The following SDC2 variants were observed in gnomAD, a reference collection of about 807,000 sequenced individuals.
The protein encoded by SDC2 is syndecan 2, also known as syndecan-2.
Under a neutral mutation model 22.2 loss-of-function variants are expected in SDC2, and 13 were observed. The observed-to-expected ratio is 0.59, with a 90% CI of 0.38 to 0.93. SDC2 has a LOEUF of 0.93. SDC2 is among the 40% of genes least tolerant of loss of function. The probability of loss-of-function intolerance (pLI) is 0.00; values close to 1 mark genes in which losing one functional copy is unlikely to be tolerated. For synonymous variants in SDC2, 94 were observed against 92.8 expected (o/e 1.01, Z -0.07); for missense variants, 235 against 246.8 (o/e 0.95, Z 0.32).
At chr8:96,520,407 T>C (rs1372409311) in intron 1 of SDC2, among the ~76,000 whole-genome samples, 1 of 152,204 alleles carries the variant, frequency 6.6e-6, no homozygotes, top group Non-Finnish European at 1.5e-5. Context: ...TCACTCTTAC[T>C]GTTTCTTGAA....
chr8:96,538,235 C>T (rs964053758), intron 1 of SDC2, among the ~76,000 whole-genome samples: 5 of 152,168 alleles, frequency 3.3e-5, no homozygotes, highest in Admixed American at 2.0e-4. Context: ...TCTGGGATTA[C>T]AGACGTGAGC....
chr8:96,547,889 G>C (rs1033402987), intron 1 of SDC2, among the ~76,000 whole-genome samples: 1 of 151,970 alleles, frequency 6.6e-6, no homozygotes, highest in Non-Finnish European at 1.5e-5. Context: ...AGCCTCCCAA[G>C]TAGCTGGAAC....
intron 2 of SDC2, among the ~76,000 whole-genome samples, chr8:96,594,009 C>A (rs1223669261): frequency 6.6e-6 from 1 of 152,154 alleles, no homozygotes; most frequent in East Asian, 1.9e-4. Context: ...ATAAAACCAC[C>A]TACCCTATGT....
intron 1 of SDC2, among the ~76,000 whole-genome samples, chr8:96,502,504 C>G (rs1813181968): frequency 1.1e-5 from 1 of 93,864 alleles, no homozygotes; most frequent in Non-Finnish European, 2.7e-5. Flanking sequence ...TACTGGGGGT[C>G]TTTTTAAACT....
At position 96,578,521 on chromosome 8, in the gene SDC2, A is replaced by G. The variant is rs1814540132; in HGVS notation, c.61-14959A>G. Among the ~76,000 whole-genome samples the G allele has an allele frequency of 7.9e-5, 12 of 152,234 alleles. No homozygotes were observed. The South Asian group carries it at 2.5e-3, about 31-fold the overall frequency. On this transcript the variant is annotated intron_variant, in intron 1 of 4. Coordinates refer to ENST00000302190, the MANE Select transcript of SDC2 (RefSeq NM_002998.4). Reference sequence around the variant, plus strand: ...CAGAGAGAAGGATGGGATTGAAATTAGTTGACCAGGCTGATTCTGGTTTCT... The same window carrying G: ...CAGAGAGAAGGATGGGATTGAAATTGGTTGACCAGGCTGATTCTGGTTTCT...
intron 1 of SDC2, among the ~76,000 whole-genome samples, chr8:96,531,060 G>A (rs1813653610): frequency 6.6e-6 from 1 of 152,196 alleles, no homozygotes; most frequent in South Asian, 2.1e-4. Flanking sequence ...GGGCTGATGG[G>A]CATCAGAACC....
chr8:96,525,261 G>A (rs1290346337), intron 1 of SDC2, among the ~76,000 whole-genome samples: 3 of 152,158 alleles, frequency 2.0e-5, no homozygotes, highest in Non-Finnish European at 4.4e-5. Flanking sequence ...GGCTGTCCTA[G>A]AGAAGCTTCT....
At chr8:96,590,240 G>A (rs528527055) in intron 1 of SDC2, among the ~76,000 whole-genome samples, 1 of 152,222 alleles carries the variant, frequency 6.6e-6, no homozygotes, top group Non-Finnish European at 1.5e-5. Flanking sequence ...TTAGCCAACA[G>A]TATTGGCACT....
chr8:96,579,125 A>G (rs1253458398), intron 1 of SDC2, among the ~76,000 whole-genome samples: 1 of 152,246 alleles, frequency 6.6e-6, no homozygotes, highest in Non-Finnish European at 1.5e-5. Context: ...TTCACGTGGT[A>G]GGTGCCACGC....
At chr8:96,590,876 C>T (rs895394109) in intron 1 of SDC2, among the ~76,000 whole-genome samples, 2 of 152,134 alleles carry the variant, frequency 1.3e-5, no homozygotes, top group Non-Finnish European at 2.9e-5. Context: ...ATCTGGTCAG[C>T]CCAGAGACCA....
At chr8:96,496,444 G>T (rs980349010) in intron 1 of SDC2, among the ~76,000 whole-genome samples, 1 of 152,330 alleles carries the variant, frequency 6.6e-6, no homozygotes, top group Admixed American at 6.5e-5. Context: ...TTAGAGACTA[G>T]CAGAGAATCT....
At chr8:96,509,103 C>A (rs2582816) in intron 1 of SDC2, among the ~76,000 whole-genome samples, 27,334 of 141,228 alleles carry the variant, frequency 0.19, 6,958 homozygotes, top group Non-Finnish European at 0.27. Flanking sequence ...ATTAATGGAA[C>A]CTCTCTAAAT....
At chr8:96,517,454 T>C (rs2437781) in intron 1 of SDC2, among the ~76,000 whole-genome samples, 59,554 of 151,970 alleles carry the variant, frequency 0.39, 12,194 homozygotes, top group African/African-American at 0.51. Flanking sequence ...AAGAGTTTTA[T>C]GGTTTTAGTT....
At position 96,591,429 on chromosome 8, in the gene SDC2, C is replaced by T. The variant is rs1483236314; in HGVS notation, c.61-2051C>T. Among the ~76,000 whole-genome samples, 3 of 152,234 alleles carry T rather than the reference C, an allele frequency of 2.0e-5. No homozygotes were observed. The East Asian group carries it at 5.8e-4, about 30-fold the overall frequency. On this transcript the variant is annotated intron_variant, in intron 1 of 4. Transcript: ENST00000302190. ...CTTGTGACATGTAACTCTGAAACCT[C>T]AGTCCAAGGCCAATTTGGTTTAAGT...
chr8:96,543,215 G>C (rs1474666567), intron 1 of SDC2, among the ~76,000 whole-genome samples: 1 of 143,656 alleles, frequency 7.0e-6, no homozygotes, highest in African/African-American at 3.0e-5. Flanking sequence ...TGTATACTCA[G>C]AGCTTCAGGT....
chr8:96,571,929 C>T (rs1234018185), intron 1 of SDC2, among the ~76,000 whole-genome samples: 1 of 152,172 alleles, frequency 6.6e-6, no homozygotes, highest in Admixed American at 6.5e-5. Flanking sequence ...CACAGGTAGA[C>T]TTTTCTTTCT....
chr8:96,494,201 A>T lies in SDC2; in HGVS notation c.-71A>T, dbSNP rs1813009677. On this transcript the variant is annotated 5_prime_UTR_variant, in exon 1 of 5. Coordinates refer to ENST00000302190, the MANE Select transcript of SDC2 (RefSeq NM_002998.4). ...GGATTCGTGTGCGCGGGCTGCGCCG[A>T]GCGCTGGGCAGGAGGCTTCGTTTTG... The T allele has an allele frequency of 6.9e-7, 1 of 1,455,114 alleles. No individual in the cohort carries two copies. Among genetic ancestry groups the T allele is most frequent in the African/African-American group, 1.4e-5 (1 of 71,024 alleles). The allele number at this position is 1,455,114 out of a possible 1,614,324, so 90.1% of individuals were successfully genotyped here. A position where few individuals can be genotyped will look rare whatever the true frequency, so the allele number is the denominator to read the frequency against.
At chr8:96,591,138 A>G (rs1814774560) in intron 1 of SDC2, among the ~76,000 whole-genome samples, 1 of 152,238 alleles carries the variant, frequency 6.6e-6, no homozygotes. Flanking sequence ...CATCGAATGA[A>G]TTGAAATTCA....
intron 1 of SDC2, among the ~76,000 whole-genome samples, chr8:96,560,391 G>T (rs1444571): frequency 0.27 from 40,706 of 152,076 alleles, 8,412 homozygotes; most frequent in African/African-American, 0.58. Flanking sequence ...ACGATTAAAG[G>T]ATATTTATGT....
Sources: allele counts gnomAD v4.1 joint callset (sites outside exome capture counted in the v4.1 genomes callset), GRCh38; gene constraint gnomAD v4.1.1; transcripts MANE v1.5; gene names NCBI Gene and HGNC (gene_info 2026-07-23, HGNC 2026-07-21).